GRXCR2: variants seen among roughly 807,000 people sequenced by gnomAD.
GRXCR2 encodes glutaredoxin domain-containing cysteine-rich protein 2.
GRXCR2 carries 23 observed loss-of-function variants against 24.8 expected under a neutral mutation model. The observed-to-expected ratio is 0.93, with a 90% CI of 0.67 to 1.32. GRXCR2 has a LOEUF of 1.32. Among genes scored for constraint, GRXCR2 ranks in the 40% most tolerant of loss-of-function variants. The probability of loss-of-function intolerance (pLI) is 0.00; values close to 1 mark genes in which losing one functional copy is unlikely to be tolerated. For synonymous variants in GRXCR2, 130 were observed against 116.1 expected, an observed-to-expected ratio of 1.12 and a Z score of -0.77; for missense variants, 315 against 303.4, an observed-to-expected ratio of 1.04 and a Z score of -0.28.
At chr5:145,904,487 A>G (rs911134630) in intron 2 of GRXCR2, among the ~76,000 whole-genome samples, 1 of 152,146 alleles carries the variant, frequency 6.6e-6, no homozygotes, top group Non-Finnish European at 1.5e-5. Context: ...TAACCCACTG[A>G]GGAGGTAGGT....
chr5:145,878,638 G>T (rs962082624), intron 2 of GRXCR2, among the ~76,000 whole-genome samples: 4 of 152,180 alleles, frequency 2.6e-5, no homozygotes, highest in African/African-American at 9.7e-5. Context: ...ATATCATCCA[G>T]GAGAACTTCC....
chr5:145,910,652 C>T (rs1488779671), intron 2 of GRXCR2, among the ~76,000 whole-genome samples: 1 of 152,050 alleles, frequency 6.6e-6, no homozygotes, highest in Non-Finnish European at 1.5e-5. Context: ...ATAGCTGTAC[C>T]TCCTATCTGC....
intron 2 of GRXCR2, among the ~76,000 whole-genome samples, chr5:145,926,994 T>G (rs1757408275): frequency 6.6e-6 from 1 of 152,184 alleles, no homozygotes; most frequent in Admixed American, 6.5e-5. Flanking sequence ...GAAGCAATTG[T>G]GAGTGGGAGT....
intron 2 of GRXCR2, among the ~76,000 whole-genome samples, chr5:145,884,060 G>A (rs760841042): frequency 6.6e-6 from 1 of 152,172 alleles, no homozygotes; most frequent in Non-Finnish European, 1.5e-5. Flanking sequence ...TAAAAATCTT[G>A]ATGGTGAGAG....
In GRXCR2 at chr5:145,859,671, G is replaced by A. The variant is rs1426288731; in HGVS notation, c.*62C>T. On this transcript the variant is annotated 3_prime_UTR_variant, in exon 3 of 3. Coordinates refer to ENST00000377976, the MANE Select transcript of GRXCR2 (RefSeq NM_001080516.2). ...GGAGAGGCAGGAGGAGGAGAAGGGG[G>A]CGGTTTATTAGAAATAACTTTAGGG... The A allele has an allele frequency of 4.6e-6, 7 of 1,507,696 alleles. No individual in the cohort carries two copies. In the Admixed American group the frequency reaches 6.8e-5, roughly 15 times the overall value. The allele number at this position is 1,507,696 out of a possible 1,614,324, so 93.4% of individuals were successfully genotyped here.
At chr5:145,898,928 AAG>A (rs1215914127) in intron 2 of GRXCR2, among the ~76,000 whole-genome samples, 1 of 152,176 alleles carries the variant, frequency 6.6e-6, no homozygotes, top group African/African-American at 2.4e-5. Context: ...AGACGAAAGA[AAG>A]AGATAAAAGG....
chr5:145,903,422 G>A (rs1199802840), intron 2 of GRXCR2, among the ~76,000 whole-genome samples: 4 of 151,942 alleles, frequency 2.6e-5, no homozygotes, highest in South Asian at 2.1e-4. Context: ...AAACTCAGTT[G>A]CTTCCCTATC....
At chr5:145,908,815 G>A (rs527871446) in intron 2 of GRXCR2, among the ~76,000 whole-genome samples, 1 of 152,278 alleles carries the variant, frequency 6.6e-6, no homozygotes, top group Non-Finnish European at 1.5e-5. Context: ...CAAGGCTGCT[G>A]GGAGGTAGAA....
At chr5:145,862,601 G>C (rs1211901535) in intron 2 of GRXCR2, among the ~76,000 whole-genome samples, 1 of 152,162 alleles carries the variant, frequency 6.6e-6, no homozygotes, top group Non-Finnish European at 1.5e-5. Context: ...GAACCCAACA[G>C]ACCCACCAAT....
rs573908649 is a variant in GRXCR2, at chr5:145,885,913, C to T, written c.-69-19185G>A. 5.9e-5 allele frequency among the ~76,000 whole-genome samples: 9 copies of T among 152,226 alleles called. No homozygotes were observed. The South Asian group carries it at 6.2e-4, about 11-fold the overall frequency. On this transcript the variant is annotated intron_variant, in intron 2 of 3. Transcript: ENST00000639411. ...ACATAAGAAAAAGGTAGTTCACAGT[C>T]GGGAAAACTGAAAACCGAAGTGCAG...
chr5:145,881,613 A>T (rs1172271237), intron 2 of GRXCR2, among the ~76,000 whole-genome samples: 1 of 152,218 alleles, frequency 6.6e-6, no homozygotes, highest in Non-Finnish European at 1.5e-5. Flanking sequence ...AAGGTAATTT[A>T]TAGATTCAAT....
chr5:145,864,563 C>T (rs556716656), intron 2 of GRXCR2, among the ~76,000 whole-genome samples: 21 of 152,058 alleles, frequency 1.4e-4, no homozygotes, highest in South Asian at 4.2e-4. Flanking sequence ...ATGCTGTTCT[C>T]GTGATAAGTG....
chr5:145,918,612 G>A (rs1444533435), intron 2 of GRXCR2, among the ~76,000 whole-genome samples: 2 of 152,150 alleles, frequency 1.3e-5, no homozygotes, highest in Non-Finnish European at 2.9e-5. Context: ...CTTCCCATAT[G>A]CCCAGCACTG....
chr5:145,868,700 A>C (rs1756474932), intron 1 of GRXCR2, among the ~76,000 whole-genome samples: 1 of 152,130 alleles, frequency 6.6e-6, no homozygotes, highest in African/African-American at 2.4e-5. Context: ...AATACGCTAA[A>C]AGAATCTGAG....
At chr5:145,871,305 T>C (rs749607882) in intron 1 of GRXCR2, among the ~76,000 whole-genome samples, 1 of 152,192 alleles carries the variant, frequency 6.6e-6, no homozygotes, top group Non-Finnish European at 1.5e-5. Context: ...GCTATTATTA[T>C]TATGTAATAA....
chr5:145,897,605 A>G (rs960052193), intron 2 of GRXCR2, among the ~76,000 whole-genome samples: 2 of 152,010 alleles, frequency 1.3e-5, no homozygotes, highest in African/African-American at 2.4e-5. Flanking sequence ...AAAAATCACA[A>G]TTATACTAAC....
intron 2 of GRXCR2, among the ~76,000 whole-genome samples, chr5:145,919,022 G>T (rs755217640): frequency 6.6e-6 from 1 of 152,184 alleles, no homozygotes; most frequent in Admixed American, 6.5e-5. Context: ...GGGGAGAACA[G>T]ATCCTCCAGT....
chr5:145,860,032 C>T (rs541377896), intron 2 of GRXCR2, 117 bp from the exon 3 acceptor site: 3 of 756,348 alleles, frequency 4.0e-6, no homozygotes, highest in East Asian at 3.0e-5. Context: ...GAAAATGCTT[C>T]CCACGAATGT....
At chr5:145,873,045 T>C, upstream of GRXCR2, 3 of 1,153,070 alleles carry the variant, frequency 2.6e-6, no homozygotes, top group South Asian at 2.9e-5. Context: ...AAAGGCATTT[T>C]ATTTTCTCTC....
Sources: gnomAD v4.1 joint callset for allele counts (sites outside exome capture counted in the v4.1 genomes callset) on GRCh38, gnomAD v4.1.1 for gene constraint, MANE v1.5 for transcripts, NCBI Gene and HGNC (gene_info 2026-07-23, HGNC 2026-07-21) for gene names.